DIP2C: variants seen among roughly 807,000 people sequenced by gnomAD.
DIP2C encodes disco-interacting protein 2 homolog C.
DIP2C carries 33 observed loss-of-function variants against 192.4 expected under a neutral mutation model. The observed-to-expected ratio is 0.17, with a 90% CI of 0.13 to 0.23. DIP2C has a LOEUF of 0.23. Ranked by LOEUF, DIP2C falls within the 10% of genes least tolerant of loss-of-function variation. The pLI is 1.00. For synonymous variants in DIP2C, 979 were observed against 864.1 expected (o/e 1.13, Z -2.33); for missense variants, 1,537 against 2,110.1 (o/e 0.73, Z 5.32).
At chr10:522,937 CTG>C (rs1846802548) in intron 1 of DIP2C, among the ~76,000 whole-genome samples, 1 of 151,212 alleles carries the variant, frequency 6.6e-6, no homozygotes, top group South Asian at 2.1e-4. Context: ...AGTGAGGGAA[CTG>C]TGTGTGACCA....
intron 1 of DIP2C, among the ~76,000 whole-genome samples, chr10:524,147 C>T (rs1297902543): frequency 6.6e-6 from 1 of 152,200 alleles, no homozygotes; most frequent in East Asian, 1.9e-4. Context: ...CATGTCAAGG[C>T]CCCTAGTGGG....
chr10:352,863 G>A (rs1355683372), intron 24 of DIP2C, among the ~76,000 whole-genome samples: 2 of 152,098 alleles, frequency 1.3e-5, no homozygotes, highest in African/African-American at 2.4e-5. Flanking sequence ...CCTCAGCCTT[G>A]CTCCCCAGGA....
intron 1 of DIP2C, among the ~76,000 whole-genome samples, chr10:510,215 T>C (rs571352484): frequency 1.3e-5 from 2 of 152,306 alleles, no homozygotes; most frequent in African/African-American, 2.4e-5. Context: ...CACAAATCTA[T>C]GTGGGGCAGT....
intron 1 of DIP2C, among the ~76,000 whole-genome samples, chr10:574,171 C>T (rs1407379457): frequency 1.3e-5 from 2 of 152,222 alleles, no homozygotes; most frequent in Non-Finnish European, 2.9e-5. Flanking sequence ...TCGATAAAGA[C>T]ATTGCTGCTT....
intron 1 of DIP2C, among the ~76,000 whole-genome samples, chr10:653,321 G>A (rs1856071668): frequency 6.6e-6 from 1 of 152,078 alleles, no homozygotes; most frequent in South Asian, 2.1e-4. Context: ...GGTGGCGGGT[G>A]CCTGTAATCC....
chr10:343,905 C>T (rs1958282987), intron 28 of DIP2C, among the ~76,000 whole-genome samples: 1 of 152,212 alleles, frequency 6.6e-6, no homozygotes, highest in South Asian at 2.1e-4. Context: ...TGGGAATTCA[C>T]AGACGAGGGC....
Position 362,620 on chromosome 10 carries a change from G to A in DIP2C, c.2664C>T (p.Thr888=). Residue 888 remains threonine (T), a synonymous_variant, in exon 22 of 37, where the codon ACC becomes ACT. Transcript: ENST00000280886. ...ALVPANTLPK[T]PLGGIHLSET... Reference sequence around the variant, plus strand: ...CTGATAAATGGATCCCACCAAGCGGGGTTTTGGGGAGGGTGTTTGCTGGCA... The same window carrying A: ...CTGATAAATGGATCCCACCAAGCGGAGTTTTGGGGAGGGTGTTTGCTGGCA... The A allele has an allele frequency of 1.9e-6, 3 of 1,614,142 alleles. No individual in the cohort carries two copies.
intron 1 of DIP2C, among the ~76,000 whole-genome samples, chr10:588,922 A>C (rs2131627268): frequency 6.6e-6 from 1 of 152,210 alleles, no homozygotes; most frequent in African/African-American, 2.4e-5. Context: ...TTTGTAAGAA[A>C]CTGCTGAGCC....
chr10:587,359 G>A (rs899356417), intron 1 of DIP2C, among the ~76,000 whole-genome samples: 3 of 152,218 alleles, frequency 2.0e-5, no homozygotes, highest in Admixed American at 6.5e-5. Flanking sequence ...GGTGATAACC[G>A]TGGCCACCTC....
chr10:504,837 T>C (rs980655610), intron 1 of DIP2C, among the ~76,000 whole-genome samples: 3 of 152,222 alleles, frequency 2.0e-5, no homozygotes, highest in African/African-American at 7.2e-5. Flanking sequence ...CATCACGGCT[T>C]TCATTGCATG....
intron 1 of DIP2C, among the ~76,000 whole-genome samples, chr10:602,915 C>T: frequency 6.6e-6 from 1 of 152,162 alleles, no homozygotes; most frequent in East Asian, 1.9e-4. Context: ...TCTCCCGCCT[C>T]TCAACACAAC....
At chr10:578,517 A>T (rs1489555039) in intron 1 of DIP2C, among the ~76,000 whole-genome samples, 3 of 152,234 alleles carry the variant, frequency 2.0e-5, no homozygotes, top group African/African-American at 7.2e-5. Flanking sequence ...GATGTCAGGA[A>T]CACACACATC....
Position 514,795 on chromosome 10 carries a change from G to A in DIP2C, c.86-28265C>T, listed in dbSNP as rs148323407. On this transcript the variant is annotated intron_variant, in intron 1 of 36. Coordinates refer to ENST00000280886, the MANE Select transcript of DIP2C (RefSeq NM_014974.3). ...GTAATCACCACCCCCCTTCCATGGG[G>A]GGCTTTATGCCTAGGAGTCTCAATA... Among the ~76,000 whole-genome samples, 746 of 152,270 alleles carry A rather than the reference G, an allele frequency of 4.9e-3. 8 individuals are homozygous for A. The highest frequency in any genetic ancestry group is 0.017 in the African/African-American group (705 of 41,540).
rs1844021549 is a variant in DIP2C at position 486,441 on chromosome 10, C to T, written c.157+18G>A. ...GCGGGAAATGAGAGGACTCATGCTA[C>T]TCATGGGGGTTACCTACTCGGAGGC... On this transcript the variant is annotated intron_variant, in intron 2 of 36. Coordinates refer to ENST00000280886, the MANE Select transcript of DIP2C (RefSeq NM_014974.3). 1.3e-6 allele frequency: 2 copies of T among 1,590,662 alleles called. No homozygotes were observed. Among genetic ancestry groups the T allele is most frequent in the Non-Finnish European group, 8.6e-7 (1 of 1,169,298 alleles).
chr10:618,028 TC>T (rs1438401359), intron 1 of DIP2C, among the ~76,000 whole-genome samples: 4 of 152,190 alleles, frequency 2.6e-5, no homozygotes, highest in African/African-American at 9.7e-5. Flanking sequence ...CCCAGTACTG[TC>T]CCACTCTGTG....
At chr10:287,669 G>GAAAAA (rs34102226) in intron 33 of DIP2C, among the ~76,000 whole-genome samples, 3 of 124,044 alleles carry the variant, frequency 2.4e-5, no homozygotes, top group African/African-American at 6.0e-5. Flanking sequence ...GGCCGAAACG[G>GAAAAA]AAAAAAAAAA....
intron 1 of DIP2C, among the ~76,000 whole-genome samples, chr10:598,065 CAG>C (rs1393072272): frequency 6.6e-6 from 1 of 152,248 alleles, no homozygotes; most frequent in Non-Finnish European, 1.5e-5. Context: ...GCTGGACCTG[CAG>C]AGTCAGCACA....
intron 8 of DIP2C, 116 bp downstream of exon 8, chr10:413,797 A>T: frequency 7.6e-7 from 1 of 1,323,146 alleles, no homozygotes; most frequent in Non-Finnish European, 1.0e-6. Context: ...CAAAGGGCAG[A>T]GGGTTAGCCT....
At chr10:686,116 G>A (rs946339984) in intron 1 of DIP2C, among the ~76,000 whole-genome samples, 9 of 152,226 alleles carry the variant, frequency 5.9e-5, no homozygotes, top group African/African-American at 1.9e-4. Context: ...ATTATAAAGG[G>A]CAAAAATGTA....
Sources: gnomAD v4.1 joint callset for allele counts (sites outside exome capture counted in the v4.1 genomes callset) on GRCh38, gnomAD v4.1.1 for gene constraint, MANE v1.5 for transcripts, NCBI Gene and HGNC (gene_info 2026-07-23, HGNC 2026-07-21) for gene names.